NFIB: variants seen among roughly 807,000 people sequenced by gnomAD.
NFIB encodes the protein nuclear factor I B.
In NFIB, 11 loss-of-function variants were observed where a neutral mutation model predicts 61.5. The ratio of observed to expected loss-of-function variants is 0.18; its 90% CI spans 0.11 to 0.30. The LOEUF (loss-of-function observed/expected upper bound fraction) is 0.30. Among genes scored for constraint, NFIB ranks in the 10% least tolerant of loss-of-function variants. NFIB has a pLI of 1.00. For missense variants in NFIB, 471 were observed against 608.9 expected (o/e 0.77, Z 2.38); for synonymous variants, 260 against 216.5 (o/e 1.20, Z -1.76).
At chr9:14,505,637 C>G in the NFIB span, among the ~76,000 whole-genome samples, 5 of 152,282 alleles carry the variant, frequency 3.3e-5, no homozygotes, top group South Asian at 1.0e-3. Context: ...ATTTGCAATT[C>G]TGCTCCCACT....
the NFIB span, among the ~76,000 whole-genome samples, chr9:14,424,740 C>A: frequency 1.3e-5 from 2 of 152,210 alleles, no homozygotes; most frequent in East Asian, 3.9e-4. Context: ...TTGAGTGAGA[C>A]AACAGGCAGG....
At chr9:14,168,528 A>T (rs1202362741) in intron 3 of NFIB, among the ~76,000 whole-genome samples, 1 of 152,224 alleles carries the variant, frequency 6.6e-6, no homozygotes, top group Non-Finnish European at 1.5e-5. Context: ...TGTGCAACGG[A>T]CAAATCATGA....
the NFIB span, among the ~76,000 whole-genome samples, chr9:14,469,288 T>C: frequency 6.6e-6 from 1 of 152,194 alleles, no homozygotes; most frequent in African/African-American, 2.4e-5. Context: ...AAAGTTACTG[T>C]GAAGATGACA....
At chr9:14,140,513 T>C (rs2041566143) in intron 6 of NFIB, among the ~76,000 whole-genome samples, 1 of 152,230 alleles carries the variant, frequency 6.6e-6, no homozygotes, top group African/African-American at 2.4e-5. Context: ...AGTAGCATAT[T>C]AAATATTCTG....
chr9:14,358,859 A>C (rs1211847899), intron 1 of NFIB, among the ~76,000 whole-genome samples: 1 of 152,268 alleles, frequency 6.6e-6, no homozygotes, highest in African/African-American at 2.4e-5. Flanking sequence ...TTTAAAGTTC[A>C]CAACCTTATA....
intron 2 of NFIB, among the ~76,000 whole-genome samples, chr9:14,248,422 C>A (rs757810337): frequency 6.6e-6 from 1 of 151,852 alleles, no homozygotes; most frequent in Admixed American, 6.6e-5. Context: ...AGGCATACAC[C>A]ACCATGTCGG....
intron 3 of NFIB, among the ~76,000 whole-genome samples, chr9:14,175,187 T>TTTTG: frequency 7.1e-6 from 1 of 141,312 alleles, no homozygotes; most frequent in Non-Finnish European, 1.5e-5. Flanking sequence ...TTTTTTTTTT[T>TTTTG]GAGATGGAGT....
At chr9:14,512,942 A>G in the NFIB span, among the ~76,000 whole-genome samples, 1 of 151,774 alleles carries the variant, frequency 6.6e-6, no homozygotes, top group East Asian at 1.9e-4. Flanking sequence ...TGAAAAAAAA[A>G]AAAAAAAGAT....
At position 14,276,403 on chromosome 9, in the gene NFIB, C is replaced by T. The variant is rs75562185; in HGVS notation, c.562+30586G>A. Reference sequence around the variant, plus strand: ...TATGAGGTATAACTTAAACAGCTAACTGGAAGACATTAACATAATCTACAT... The same window carrying T: ...TATGAGGTATAACTTAAACAGCTAATTGGAAGACATTAACATAATCTACAT... On this transcript the variant is annotated intron_variant, in intron 2 of 10. Coordinates refer to ENST00000380953, the MANE Select transcript of NFIB (RefSeq NM_001190737.2). 3.6e-3 allele frequency among the ~76,000 whole-genome samples: 549 copies of T among 152,220 alleles called. 2 individuals are homozygous for T. The highest frequency in any genetic ancestry group is 0.013 in the African/African-American group (528 of 41,524).
exon 1 of NFIB, chr9:14,398,637 G>T: frequency 1.3e-6 from 2 of 1,521,246 alleles, no homozygotes; most frequent in Non-Finnish European, 1.8e-6. Context: ...TCCATACTCC[G>T]AACGGATTCC....
the NFIB span, among the ~76,000 whole-genome samples, chr9:14,515,170 G>A: frequency 6.6e-6 from 1 of 151,990 alleles, no homozygotes; most frequent in Non-Finnish European, 1.5e-5. Context: ...AACTGGACAG[G>A]TACAAGCATA....
chr9:14,463,448 T>G, the NFIB span, among the ~76,000 whole-genome samples: 1 of 151,604 alleles, frequency 6.6e-6, no homozygotes, highest in African/African-American at 2.4e-5. Context: ...CCTTATATAT[T>G]TAACAAATAT....
At chr9:14,298,365 A>C (rs895407349) in intron 2 of NFIB, among the ~76,000 whole-genome samples, 31 of 152,196 alleles carry the variant, frequency 2.0e-4, no homozygotes, top group African/African-American at 7.2e-4. Context: ...AGCAGCTGAA[A>C]ATGCTGAAAA....
chr9:14,512,703 TCTC>T, the NFIB span, among the ~76,000 whole-genome samples: 2 of 132,886 alleles, frequency 1.5e-5, no homozygotes, highest in Admixed American at 7.8e-5. Context: ...AAGTAAATTT[TCTC>T]CTTTCTTCCC....
chr9:14,321,245 A>G (rs527585414), intron 1 of NFIB, among the ~76,000 whole-genome samples: 21 of 152,260 alleles, frequency 1.4e-4, no homozygotes, highest in Middle Eastern at 6.8e-3. Context: ...ACATAGGAAG[A>G]GGAAAAAAAT....
the NFIB span, among the ~76,000 whole-genome samples, chr9:14,503,912 A>G: frequency 1.3e-5 from 2 of 152,188 alleles, no homozygotes; most frequent in Non-Finnish European, 2.9e-5. Context: ...AATGTCTACA[A>G]GGGTTCTTCT....
chr9:14,426,748 C>T, the NFIB span, among the ~76,000 whole-genome samples: 1 of 152,158 alleles, frequency 6.6e-6, no homozygotes, highest in Non-Finnish European at 1.5e-5. Context: ...TATCCTCCTT[C>T]TCTGACTGCT....
intron 3 of NFIB, among the ~76,000 whole-genome samples, chr9:14,166,712 A>G (rs147018284): frequency 6.6e-6 from 1 of 152,220 alleles, no homozygotes; most frequent in Non-Finnish European, 1.5e-5. Flanking sequence ...TCTCATCATC[A>G]ACCCTTTTCT....
Position 14,155,830 on chromosome 9 carries a change from G to T in NFIB, c.680C>A (p.Ser227Tyr). 6.4e-7 allele frequency: 1 copy of T among 1,570,120 alleles called. No homozygotes were observed. Among genetic ancestry groups the T allele is most frequent in the Non-Finnish European group, 8.7e-7 (1 of 1,153,376 alleles). ...TAACAAAACAATTTACTTACTTCTG[G>T]ATACTCTTACAAGTTCTGATACATT... ...VFNVSELVRVSRTPITQGTGV... is the reference protein window; with the variant it reads ...VFNVSELVRVYRTPITQGTGV... The change falls in exon 4 of 11, where the codon TCC becomes TAC. Residue 227 changes from serine (S) to tyrosine (Y), a missense_variant. Ser to Tyr is a moderately radical substitution (Grantham distance 144, BLOSUM62 -2). Around this residue, in one of 2 missense-constraint regions of NFIB, gnomAD observed 372 missense variants for 395.6 expected, o/e 0.94. Transcript: ENST00000380953.
Sources: allele counts gnomAD v4.1 joint callset (sites outside exome capture counted in the v4.1 genomes callset), GRCh38; gene constraint gnomAD v4.1.1; regional missense constraint gnomAD v4.1.1; transcripts MANE v1.5; gene names NCBI Gene and HGNC (gene_info 2026-07-23, HGNC 2026-07-21).